Variants in AKAP9 observed in about 807,000 individuals in gnomAD.
AKAP9 encodes A-kinase anchor protein 9.
In AKAP9, 311 loss-of-function variants were observed where a neutral mutation model predicts 488.5. The ratio of observed to expected loss-of-function variants is 0.64; its 90% CI spans 0.58 to 0.70. The LOEUF (loss-of-function observed/expected upper bound fraction) is 0.70, where lower values mean the gene tolerates loss of function less well. AKAP9 is among the 30% of genes least tolerant of loss of function. The probability of loss-of-function intolerance (pLI) is 0.00; values close to 1 mark genes in which losing one functional copy is unlikely to be tolerated. For synonymous variants in AKAP9, 1,462 were observed against 1,483.5 expected, an observed-to-expected ratio of 0.99 and a Z score of 0.33; for missense variants, 4,215 against 4,374.5, an observed-to-expected ratio of 0.96 and a Z score of 1.03.
chr7:92,080,625 T>C (rs939961082), intron 31 of AKAP9, among the ~76,000 whole-genome samples: 1 of 151,316 alleles, frequency 6.6e-6, no homozygotes, highest in African/African-American at 2.4e-5. Context: ...GAAGAAAAAC[T>C]AGACAAACTA....
At chr7:92,007,103 C>A (rs1799970983) in intron 8 of AKAP9, among the ~76,000 whole-genome samples, 1 of 152,048 alleles carries the variant, frequency 6.6e-6, no homozygotes, top group African/African-American at 2.4e-5. Context: ...ATAGCACAGG[C>A]CTTCATGTTA....
intron 18 of AKAP9, 172 bp downstream of exon 18, chr7:92,041,070 A>G (rs1806029087): frequency 1.7e-6 from 1 of 590,738 alleles, no homozygotes; most frequent in African/African-American, 1.9e-5. Flanking sequence ...CACACTCTAT[A>G]CTAAGACAGC....
At chr7:92,087,407 G>T (rs1427120338) in intron 37 of AKAP9, among the ~76,000 whole-genome samples, 2 of 152,118 alleles carry the variant, frequency 1.3e-5, no homozygotes, top group Non-Finnish European at 2.9e-5. Flanking sequence ...AAAAATAATA[G>T]AATATTATGA....
intron 30 of AKAP9, 44 bp downstream of exon 30, chr7:92,077,919 G>A (rs753719420): frequency 6.9e-7 from 1 of 1,445,550 alleles, no homozygotes; most frequent in Non-Finnish European, 9.6e-7. Context: ...ATGAACCAGA[G>A]TTTTAAAGGG....
intron 46 of AKAP9, among the ~76,000 whole-genome samples, chr7:92,105,020 C>A (rs1818300340): frequency 6.6e-6 from 1 of 151,960 alleles, no homozygotes; most frequent in Non-Finnish European, 1.5e-5. Context: ...TTCACTCTGC[C>A]CCACTTTTTC....
In AKAP9 at chr7:92,070,110, G is replaced by A; in HGVS notation, c.6411G>A (p.Arg2137=). 1 of 1,613,966 alleles carries A rather than the reference G, an allele frequency of 6.2e-7. No homozygotes were observed. Among genetic ancestry groups the A allele is most frequent in the Non-Finnish European group, 8.5e-7 (1 of 1,179,946 alleles). The part of the protein sequence containing the change: ...ELLLSKEQLQ[R]DIQERNEEIE... Reference sequence around the variant, plus strand: ...TGCTCTCTAAAGAGCAGCTTCAAAGGGATATACAAGAAAGGAATGAAGAAA... The same window carrying A: ...TGCTCTCTAAAGAGCAGCTTCAAAGAGATATACAAGAAAGGAATGAAGAAA... Residue 2137 remains arginine, a synonymous_variant, in exon 27 of 50, where the codon AGG becomes AGA. Transcript: ENST00000356239.
chr7:92,084,684 T>A lies in AKAP9; in HGVS notation c.8691T>A (p.Thr2897=). 6.2e-7 allele frequency: 1 copy of A among 1,610,378 alleles called. No homozygotes were observed. The highest frequency in any genetic ancestry group is 8.5e-7 in the Non-Finnish European group (1 of 1,176,842). The change falls in exon 34 of 50, where the codon ACT becomes ACA. Residue 2897 remains threonine, a synonymous_variant. Coordinates refer to ENST00000356239, the MANE Select transcript of AKAP9 (RefSeq NM_005751.5). ...TAGCACATTCTGATGCTTACCAGAC[T>A]AGAGAAATATGCTCCAGTGGTAAGT... ...PELAHSDAYQ[T]REICSSDSGS... is the part of the protein sequence containing the mutation.
At chr7:91,975,141 C>T (rs921454324) in intron 2 of AKAP9, among the ~76,000 whole-genome samples, 2 of 152,086 alleles carry the variant, frequency 1.3e-5, no homozygotes, top group African/African-American at 2.4e-5. Context: ...CATGAGCCAC[C>T]GTGCTTGGCC....
At position 92,093,104 on chromosome 7, in the gene AKAP9, G is replaced by A. The variant is rs1269032462; in HGVS notation, c.9366G>A (p.Leu3122=). 6 of 1,610,486 alleles carry A rather than the reference G, an allele frequency of 3.7e-6. No homozygotes were observed. The highest frequency in any genetic ancestry group is 1.7e-4 in the Middle Eastern group (1 of 6,054). The stretch of plus-strand genomic sequence containing the variant: ...TAATCATGTTCTGTGTAGAACTCTT[G>A]GAATATAATATACAGCAGAAGCAGT... ...QESEKPSQEL[L]EYNIQQKQSQ... The change falls in exon 39 of 50, where the codon TTG becomes TTA. Residue 3122 remains leucine, a synonymous_variant. Coordinates refer to ENST00000356239, the MANE Select transcript of AKAP9 (RefSeq NM_005751.5).
intron 46 of AKAP9, among the ~76,000 whole-genome samples, chr7:92,103,992 T>C (rs867997507): frequency 1.1e-4 from 16 of 152,156 alleles, no homozygotes; most frequent in Non-Finnish European, 1.6e-4. Flanking sequence ...CTGTCTGTGA[T>C]TGACATGGAG....
In AKAP9 at chr7:92,045,187, C is replaced by T; in HGVS notation, c.5342C>T (p.Ser1781Leu). Residue 1781 changes from serine (S) to leucine (L), a missense_variant, in exon 21 of 50, where the codon TCA becomes TTA. Ser to Leu is a moderately radical substitution (Grantham distance 145). Transcript: ENST00000356239. ...TCAGAAGCAGAGGCATCTGTAAAGT[C>T]ATGTGTCCATGAGGAACATACAAGA... ...WRSEAEASVKSCVHEEHTRVT... is the reference protein window; with the variant it reads ...WRSEAEASVKLCVHEEHTRVT... 1 of 1,613,772 alleles carries T rather than the reference C, an allele frequency of 6.2e-7. No individual in the cohort carries two copies. Among genetic ancestry groups the T allele is most frequent in the Non-Finnish European group, 8.5e-7 (1 of 1,179,908 alleles).
Position 92,065,439 on chromosome 7 carries a change from A to C in AKAP9, c.6186A>C (p.Leu2062Phe). The C allele has an allele frequency of 6.2e-7, 1 of 1,611,664 alleles. No individual in the cohort carries two copies. Among genetic ancestry groups the C allele is most frequent in the African/African-American group, 1.3e-5 (1 of 74,988 alleles). ...AAAACCAAGCATTGGAAAAGCAGTT[A>C]GAAAAAATGAGAAAATTTTTAGATG... The part of the protein sequence containing the change: ...RQQNQALEKQ[L>F]EKMRKFLDEQ... Residue 2062 changes from leucine to phenylalanine, a missense_variant, in exon 25 of 50, where the codon TTA (leucine) becomes TTC (phenylalanine). By Grantham distance (22) the Leu-to-Phe change is conservative (BLOSUM62 0). Around this residue, in one of 5 missense-constraint regions of AKAP9, gnomAD observed 2,361 missense variants for 2,430.0 expected, o/e 0.97. Coordinates refer to ENST00000356239, the MANE Select transcript of AKAP9 (RefSeq NM_005751.5).
intron 33 of AKAP9, 31 bp downstream of exon 33, chr7:92,083,686 A>G (rs1814004326): frequency 3.8e-6 from 6 of 1,597,060 alleles, no homozygotes; most frequent in Non-Finnish European, 5.1e-6. Flanking sequence ...GTGTTTTTCA[A>G]CATTGTGTGG....
intron 14 of AKAP9, among the ~76,000 whole-genome samples, chr7:92,027,580 G>A (rs1387429331): frequency 3.4e-5 from 5 of 145,830 alleles, no homozygotes; most frequent in South Asian, 2.2e-4. Context: ...ACCTCTGCCC[G>A]GCTGCCCCGT....
At chr7:92,029,868 TC>T in intron 14 of AKAP9, 26 bp from the exon 15 acceptor site, 1 of 1,565,574 alleles carries the variant, frequency 6.4e-7, no homozygotes, top group Non-Finnish European at 8.8e-7. Context: ...CAACTCTAAT[TC>T]TTTAACCTTT....
chr7:92,062,607 A>C, intron 24 of AKAP9, 121 bp downstream of exon 24: 1 of 806,102 alleles, frequency 1.2e-6, no homozygotes. Context: ...GAGAGATTTA[A>C]AAAATTATAA....
chr7:91,965,184 A>C (rs1363048844), intron 1 of AKAP9, among the ~76,000 whole-genome samples: 1 of 152,096 alleles, frequency 6.6e-6, no homozygotes, highest in African/African-American at 2.4e-5. Context: ...GCCCCTCTTC[A>C]TCTTCTCCAC....
Position 92,099,887 on chromosome 7 carries a change from A to T in AKAP9, c.10896+18A>T. ...GAGATAATGTATGTCCATTTTTAGC[A>T]TCTCCATATATGAGAATTAGTGCAT... On this transcript the variant is annotated intron_variant, in intron 44 of 49. Transcript: ENST00000356239. The T allele has an allele frequency of 6.2e-7, 1 of 1,611,406 alleles. No homozygotes were observed. Among genetic ancestry groups the T allele is most frequent in the Non-Finnish European group, 8.5e-7 (1 of 1,177,720 alleles).
chr7:92,052,226 G>A (rs1808099670), intron 21 of AKAP9, among the ~76,000 whole-genome samples: 1 of 152,108 alleles, frequency 6.6e-6, no homozygotes, highest in Non-Finnish European at 1.5e-5. Context: ...TCCCAATGTA[G>A]GCTCAAAAGT....
Sources: gnomAD v4.1 joint callset for allele counts (sites outside exome capture counted in the v4.1 genomes callset) on GRCh38, gnomAD v4.1.1 for gene constraint, gnomAD v4.1.1 regional missense constraint, MANE v1.5 for transcripts, NCBI Gene and HGNC (gene_info 2026-07-23, HGNC 2026-07-21) for gene names.